HTR2C: variants seen among roughly 807,000 people sequenced by gnomAD.
HTR2C encodes 5-hydroxytryptamine (serotonin) receptor 2C, G protein-coupled.
In HTR2C, 5 loss-of-function variants were observed where a neutral mutation model predicts 21.0. The observed-to-expected ratio is 0.24, with a 90% confidence interval of 0.12 to 0.50. The LOEUF (loss-of-function observed/expected upper bound fraction) is 0.50. Ranked by LOEUF, HTR2C falls within the 20% of genes least tolerant of loss-of-function variation. The pLI, the probability that HTR2C is intolerant of heterozygous loss-of-function variation, is 0.98. For missense variants in HTR2C, 271 were observed against 371.2 expected (o/e 0.73, Z 2.22); for synonymous variants, 150 against 145.3 (o/e 1.03, Z -0.23).
intron 2 of HTR2C, among the ~76,000 whole-genome samples, chrX:114,710,584 AAT>A (rs1457745393): frequency 1.8e-5 from 2 of 112,034 alleles, no homozygotes; most frequent in Non-Finnish European, 3.8e-5. Context: ...AAATGAGAAA[AAT>A]AGAGTGTTTC....
chrX:114,855,133 C>G (rs2070948866), intron 5 of HTR2C, among the ~76,000 whole-genome samples: 1 of 111,379 alleles, frequency 9.0e-6, no homozygotes, highest in Admixed American at 9.5e-5. Flanking sequence ...TCTTATTTGA[C>G]AGTGCACTAA....
intron 4 of HTR2C, among the ~76,000 whole-genome samples, chrX:114,778,174 C>T (rs1602773804): frequency 9.0e-6 from 1 of 110,947 alleles, no homozygotes; most frequent in Non-Finnish European, 1.9e-5. Context: ...TGGTATTTTC[C>T]GAGGTGTTGT....
chrX:114,720,664 C>G (rs1169348234), intron 2 of HTR2C, among the ~76,000 whole-genome samples: 1 of 47,962 alleles, frequency 2.1e-5, no homozygotes, highest in Non-Finnish European at 3.6e-5. Flanking sequence ...TATCCCTCCC[C>G]CCTCCCCCGA....
intron 2 of HTR2C, among the ~76,000 whole-genome samples, chrX:114,726,360 C>T (rs1464941141): frequency 1.8e-5 from 2 of 112,428 alleles, no homozygotes; most frequent in Admixed American, 9.4e-5. Context: ...GGCAATGCCT[C>T]GCCCTGCTTC....
At chrX:114,895,426 G>A (rs1382207328) in intron 5 of HTR2C, among the ~76,000 whole-genome samples, 10 of 111,167 alleles carry the variant, frequency 9.0e-5, no homozygotes, top group African/African-American at 3.3e-4. Flanking sequence ...GGTAATTTGT[G>A]TTCTTTCTCC....
chrX:114,806,056 C>CATATATACACCAT (rs1556449232), intron 4 of HTR2C, among the ~76,000 whole-genome samples: 1 of 98,236 alleles, frequency 1.0e-5, no homozygotes, highest in Non-Finnish European at 2.0e-5. Context: ...ATATGCATAC[C>CATATATACACCAT]ATATATACAC....
At chrX:114,788,765 C>G (rs1569494107) in intron 4 of HTR2C, among the ~76,000 whole-genome samples, 1 of 110,620 alleles carries the variant, frequency 9.0e-6, no homozygotes, top group Non-Finnish European at 1.9e-5. Context: ...CCTCCCACCT[C>G]AGACTCCTGG....
chrX:114,750,179 T>G (rs1186229842), intron 4 of HTR2C, among the ~76,000 whole-genome samples: 2 of 111,601 alleles, frequency 1.8e-5, no homozygotes, highest in Non-Finnish European at 3.8e-5. Flanking sequence ...ACCCCATCAT[T>G]GCATTTCAAC....
At chrX:114,852,725 C>T (rs980228001) in intron 5 of HTR2C, among the ~76,000 whole-genome samples, 6 of 108,785 alleles carry the variant, frequency 5.5e-5, no homozygotes, top group Admixed American at 1.0e-4. Flanking sequence ...AAGTTGTTTC[C>T]AACATTTGGA....
At chrX:114,673,647 A>G (rs782063033) in intron 2 of HTR2C, among the ~76,000 whole-genome samples, 2 of 111,934 alleles carry the variant, frequency 1.8e-5, no homozygotes, top group Non-Finnish European at 3.8e-5. Flanking sequence ...AAAAACATGG[A>G]CACAAAATTA....
At chrX:114,758,955 A>G (rs981800233) in intron 4 of HTR2C, among the ~76,000 whole-genome samples, 1 of 111,791 alleles carries the variant, frequency 8.9e-6, no homozygotes, top group Non-Finnish European at 1.9e-5. Context: ...CCAGATTACA[A>G]TTTTTTATCA....
intron 5 of HTR2C, among the ~76,000 whole-genome samples, chrX:114,868,496 G>A (rs781911684): frequency 7.5e-4 from 83 of 110,858 alleles, no homozygotes; most frequent in Non-Finnish European, 1.3e-3. Context: ...CTGCCGATTC[G>A]TTGTCTTTAA....
chrX:114,813,397 T>C (rs1298749341), intron 4 of HTR2C, among the ~76,000 whole-genome samples: 3 of 111,673 alleles, frequency 2.7e-5, no homozygotes, highest in African/African-American at 9.8e-5. Flanking sequence ...ACAGTCCAAA[T>C]TGGAGTACCT....
chrX:114,895,200 T>A (rs2147530939), intron 5 of HTR2C, among the ~76,000 whole-genome samples: 1 of 111,778 alleles, frequency 8.9e-6, no homozygotes, highest in Non-Finnish European at 1.9e-5. Context: ...GTGAAAAAAA[T>A]TATAACAAAG....
intron 2 of HTR2C, among the ~76,000 whole-genome samples, chrX:114,649,428 T>C (rs782403221): frequency 9.0e-6 from 1 of 111,724 alleles, no homozygotes; most frequent in South Asian, 3.7e-4. Context: ...AGAAACACAG[T>C]GTTTATCCTA....
intron 2 of HTR2C, among the ~76,000 whole-genome samples, chrX:114,718,111 C>T (rs1392710248): frequency 9.0e-6 from 1 of 111,098 alleles, no homozygotes; most frequent in Non-Finnish European, 1.9e-5. Flanking sequence ...CTGCTGCCAC[C>T]TGCTGACCTC....
At chrX:114,861,566 C>CATA (rs782433835) in intron 5 of HTR2C, among the ~76,000 whole-genome samples, 2 of 111,404 alleles carry the variant, frequency 1.8e-5, no homozygotes, top group Non-Finnish European at 3.8e-5. Context: ...GAAGAACCTC[C>CATA]ATACTGTTTT....
chrX:114,585,354 C>T (rs1381213492), intron 1 of HTR2C, among the ~76,000 whole-genome samples: 5 of 111,113 alleles, frequency 4.5e-5, no homozygotes, highest in Non-Finnish European at 9.4e-5. Context: ...ATAAAGGCAT[C>T]CAGTGAACCT....
chrX:114,761,143 A>G (rs2069862024), intron 4 of HTR2C, among the ~76,000 whole-genome samples: 1 of 111,322 alleles, frequency 9.0e-6, no homozygotes, highest in South Asian at 3.7e-4. Context: ...TAATTTTAAG[A>G]TATTTAAAAT....
Sources: allele counts gnomAD v4.1 joint callset (sites outside exome capture counted in the v4.1 genomes callset), GRCh38; gene constraint gnomAD v4.1.1; transcripts MANE v1.5; gene names NCBI Gene and HGNC (gene_info 2026-07-23, HGNC 2026-07-21).